PCNX2: variants seen among roughly 807,000 people sequenced by gnomAD.
The protein encoded by PCNX2 is pecanex 2.
A neutral mutation model predicts 223.8 loss-of-function variants in PCNX2; 168 were observed. The ratio of observed to expected loss-of-function variants is 0.75; its 90% CI spans 0.66 to 0.85. PCNX2 has a LOEUF of 0.85. Among genes scored for constraint, PCNX2 ranks in the 40% least tolerant of loss-of-function variants. The probability of loss-of-function intolerance (pLI) is 0.00; values close to 1 mark genes in which losing one functional copy is unlikely to be tolerated. For synonymous variants in PCNX2, 1,006 were observed against 1,052.6 expected (o/e 0.96, Z 0.86); for missense variants, 2,507 against 2,675.5 (o/e 0.94, Z 1.39).
intron 17 of PCNX2, among the ~76,000 whole-genome samples, chr1:233,170,216 T>G (rs1199736025): frequency 1.3e-5 from 2 of 152,242 alleles, no homozygotes. Context: ...TTAAACTTTA[T>G]GTTATTAAAC....
chr1:233,039,307 G>C (rs1671564737), intron 25 of PCNX2, among the ~76,000 whole-genome samples: 1 of 152,066 alleles, frequency 6.6e-6, no homozygotes, highest in Non-Finnish European at 1.5e-5. Flanking sequence ...GTGGACCTTG[G>C]GGTCAGTCAC....
At chr1:233,235,598 GTGTT>G (rs58700930) in intron 9 of PCNX2, among the ~76,000 whole-genome samples, 16 of 151,836 alleles carry the variant, frequency 1.1e-4, no homozygotes, top group Non-Finnish European at 1.8e-4. Context: ...AATGTATTTT[GTGTT>G]TGTTTGTTTG....
At chr1:233,284,912 C>T in intron 1 of PCNX2, 1 of 950,558 alleles carries the variant, frequency 1.1e-6, no homozygotes. Context: ...CATCCAGGGT[C>T]ATGGGGGGGA....
At chr1:233,159,691 A>G (rs1441698929) in intron 19 of PCNX2, among the ~76,000 whole-genome samples, 1 of 152,198 alleles carries the variant, frequency 6.6e-6, no homozygotes, top group African/African-American at 2.4e-5. Flanking sequence ...GAAGAAATCT[A>G]TTTCTTCTCT....
intron 1 of PCNX2, among the ~76,000 whole-genome samples, chr1:233,266,732 T>C (rs1006495990): frequency 6.6e-6 from 1 of 152,224 alleles, no homozygotes; most frequent in African/African-American, 2.4e-5. Flanking sequence ...CTTATTTCTA[T>C]GAGCTTTTCA....
intron 8 of PCNX2, among the ~76,000 whole-genome samples, chr1:233,242,389 A>G (rs1028696959): frequency 2.0e-5 from 3 of 152,226 alleles, no homozygotes; most frequent in African/African-American, 7.2e-5. Context: ...TGACTCTTCC[A>G]TTCAGTAGAC....
rs565352468 is a variant in PCNX2 at position 233,065,503 on chromosome 1, C to T, written c.4077-8213G>A. The T allele has an allele frequency of 2.0e-5, 3 of 152,204 alleles. No individual in the cohort carries two copies. The South Asian group carries it at 6.2e-4, about 32-fold the overall frequency. 9.4% of individuals were successfully genotyped at this position (152,204 alleles called of 1,614,324 possible). On this transcript the variant is annotated intron_variant, in intron 23 of 33. Transcript: ENST00000258229. Reference sequence around the variant, plus strand: ...AGTTGGTGTATTTTTCCTTATTCCTCTACTTGGTACAACGAAAACCCTGGA... The same window carrying T: ...AGTTGGTGTATTTTTCCTTATTCCTTTACTTGGTACAACGAAAACCCTGGA...
chr1:233,002,685 C>A (rs1670129297), intron 28 of PCNX2, among the ~76,000 whole-genome samples: 1 of 152,206 alleles, frequency 6.6e-6, no homozygotes, highest in Non-Finnish European at 1.5e-5. Flanking sequence ...AGAAAAGAGA[C>A]TGTATAGCCA....
At chr1:233,175,061 C>T (rs1679395884) in intron 17 of PCNX2, among the ~76,000 whole-genome samples, 1 of 152,042 alleles carries the variant, frequency 6.6e-6, no homozygotes, top group African/African-American at 2.4e-5. Flanking sequence ...TCTAATGAGG[C>T]TCCCTGAGGG....
At chr1:233,267,628 T>C (rs1660410453) in intron 1 of PCNX2, among the ~76,000 whole-genome samples, 1 of 152,090 alleles carries the variant, frequency 6.6e-6, no homozygotes, top group Non-Finnish European at 1.5e-5. Flanking sequence ...ACATGACCTT[T>C]TGTGACTGTC....
intron 1 of PCNX2, among the ~76,000 whole-genome samples, chr1:233,283,737 G>A (rs1661306797): frequency 6.6e-6 from 1 of 152,114 alleles, no homozygotes. Flanking sequence ...ATTAATAAAG[G>A]TAGGAAGAAA....
At chr1:233,135,936 A>C (rs1676777742) in intron 20 of PCNX2, among the ~76,000 whole-genome samples, 1 of 152,218 alleles carries the variant, frequency 6.6e-6, no homozygotes. Context: ...TGCTTTGAGG[A>C]CTGAAGTCCT....
chr1:233,075,296 T>C (rs1673041884), intron 23 of PCNX2, among the ~76,000 whole-genome samples: 1 of 152,210 alleles, frequency 6.6e-6, no homozygotes, highest in Non-Finnish European at 1.5e-5. Flanking sequence ...CTCCACTGAA[T>C]TATGTTGTGT....
At chr1:233,184,851 G>A (rs541582574) in intron 15 of PCNX2, among the ~76,000 whole-genome samples, 2 of 152,058 alleles carry the variant, frequency 1.3e-5, no homozygotes, top group East Asian at 1.9e-4. Flanking sequence ...GAAAAGGGTG[G>A]GATACAAGGT....
At chr1:233,264,589 C>T (rs573814132) in intron 1 of PCNX2, among the ~76,000 whole-genome samples, 31 of 152,244 alleles carry the variant, frequency 2.0e-4, no homozygotes, top group African/African-American at 7.2e-4. Context: ...TCACTTAACT[C>T]GCTCTTATTA....
At position 233,161,482 on chromosome 1, in the gene PCNX2, C is replaced by T; in HGVS notation, c.3274-119G>A. 3.8e-6 allele frequency: 3 copies of T among 791,860 alleles called. No homozygotes were observed. In the Admixed American group the frequency reaches 6.3e-5, roughly 17 times the overall value. The allele number at this position is 791,860 out of a possible 1,614,324, so 49.1% of individuals were successfully genotyped here. A position where few individuals can be genotyped will look rare whatever the true frequency, so the allele number is the denominator to read the frequency against. On this transcript the variant is annotated intron_variant, in intron 17 of 33. Transcript: ENST00000258229. ...GATAAACTGTTTTTCCAGCCCATCA[C>T]TTACCTGACACACTCATTGGCACAT...
In PCNX2 at chr1:233,000,232, C is replaced by G; in HGVS notation, c.5328+73G>C. 7.1e-7 allele frequency: 1 copy of G among 1,410,638 alleles called. No individual in the cohort carries two copies. The highest frequency in any genetic ancestry group is 2.3e-5 in the East Asian group (1 of 43,936). The allele number at this position is 1,410,638 out of a possible 1,614,324, so 87.4% of individuals were successfully genotyped here. The stretch of plus-strand genomic sequence containing the variant: ...ACTCCTGTGTCAGTGCCCCCCTGCC[C>G]ACCACCATTCTATTTCTTCTCAGAT... On this transcript the variant is annotated intron_variant, in intron 30 of 33. Transcript: ENST00000258229. This position sits in a 1 kb window ranked among gnomAD's most constrained non-coding sequence, Gnocchi z 4.6.
chr1:233,285,653 C>A (rs1661411831), intron 1 of PCNX2, among the ~76,000 whole-genome samples: 1 of 152,076 alleles, frequency 6.6e-6, no homozygotes, highest in Non-Finnish European at 1.5e-5. Flanking sequence ...CCAGCCTGGG[C>A]AACAGAGAGA....
intron 21 of PCNX2, among the ~76,000 whole-genome samples, chr1:233,104,747 T>C (rs1052034188): frequency 2.6e-5 from 4 of 152,116 alleles, no homozygotes; most frequent in East Asian, 1.9e-4. Context: ...TTTAAAACAA[T>C]TGATGCCTTA....
Sources: gnomAD v4.1 joint callset for allele counts (sites outside exome capture counted in the v4.1 genomes callset) on GRCh38, gnomAD v4.1.1 for gene constraint, Gnocchi (gnomAD v3.1) non-coding constraint, MANE v1.5 for transcripts, NCBI Gene and HGNC (gene_info 2026-07-23, HGNC 2026-07-21) for gene names.